IGSF6: variants seen among roughly 807,000 people sequenced by gnomAD.
The protein encoded by IGSF6 is immunoglobulin superfamily member 6, also known as down-regulated by activation (immunoglobulin superfamily).
In IGSF6, 23 loss-of-function variants were observed where a neutral mutation model predicts 24.7. The ratio of observed to expected loss-of-function variants is 0.93; its 90% CI spans 0.67 to 1.32. The LOEUF (loss-of-function observed/expected upper bound fraction) is 1.32. IGSF6 is among the 40% of genes most tolerant of loss of function. The pLI is 0.00. For missense variants in IGSF6, 295 were observed against 293.6 expected (o/e 1.00, Z -0.04); for synonymous variants, 110 against 113.7 (o/e 0.97, Z 0.21).
chr16:21,645,301 A>G (rs1383399332), intron 2 of IGSF6, among the ~76,000 whole-genome samples: 1 of 152,076 alleles, frequency 6.6e-6, no homozygotes, highest in Admixed American at 6.6e-5. Context: ...AAAAATACCA[A>G]AATTAGCTGG....
chr16:21,647,541 T>A, intron 1 of IGSF6, 49 bp from the exon 2 acceptor site: 1 of 1,554,726 alleles, frequency 6.4e-7, no homozygotes, highest in South Asian at 1.2e-5. Flanking sequence ...CACCTCACTT[T>A]GTGCTTTTAT....
rs555661181 is a variant in IGSF6 at position 21,641,567 on chromosome 16, G to C, written c.693C>G (p.Asn231Lys). 3 of 1,588,384 alleles carry C rather than the reference G, an allele frequency of 1.9e-6. No homozygotes were observed. The highest frequency in any genetic ancestry group is 1.7e-5 in the Admixed American group (1 of 59,014). Reference sequence around the variant, plus strand: ...TTTCATAGTTGGAAAGTACTCTTCTGTTTTCATAAGTGTTGTTATCTTTCT... The same window carrying C: ...TTTCATAGTTGGAAAGTACTCTTCTCTTTTCATAAGTGTTGTTATCTTTCT... The part of the protein sequence containing the change: ...QSEKDNNTYE[N>K]RRVLSNYERP The change falls in exon 6 of 6, where the codon AAC becomes AAG. Residue 231 changes from asparagine to lysine, a missense_variant. Physicochemically the swap from Asn to Lys is moderately conservative, Grantham distance 94. Coordinates refer to ENST00000268389, the MANE Select transcript of IGSF6 (RefSeq NM_005849.4).
intron 1 of IGSF6, among the ~76,000 whole-genome samples, chr16:21,651,517 G>A (rs1966576017): frequency 6.6e-6 from 1 of 151,852 alleles, no homozygotes; most frequent in African/African-American, 2.4e-5. Context: ...GTTCATGCTG[G>A]TCTTGAACTC....
intron 5 of IGSF6, chr16:21,642,367 T>C (rs1036652009): frequency 1.3e-5 from 2 of 152,194 alleles, no homozygotes; most frequent in Non-Finnish European, 2.9e-5. Context: ...TACACAAAGA[T>C]GACATGCAAA....
chr16:21,649,166 T>C (rs1304755383), intron 1 of IGSF6, among the ~76,000 whole-genome samples: 1 of 152,132 alleles, frequency 6.6e-6, no homozygotes, highest in African/African-American at 2.4e-5. Flanking sequence ...CTAATTTTTG[T>C]ATTTTTTGTA....
rs1236908240 is a variant in IGSF6, at chr16:21,641,564, T to C, written c.696A>G (p.Arg232=). 6.3e-7 allele frequency: 1 copy of C among 1,592,578 alleles called. No homozygotes were observed. Among genetic ancestry groups the C allele is most frequent in the Admixed American group, 1.7e-5 (1 of 59,194 alleles). ...SEKDNNTYEN[R]RVLSNYERP ...GCCTTTCATAGTTGGAAAGTACTCT[T>C]CTGTTTTCATAAGTGTTGTTATCTT... The change falls in exon 6 of 6, where the codon AGA becomes AGG. Residue 232 remains arginine (R), a synonymous_variant. Transcript: ENST00000268389.
Position 21,644,894 on chromosome 16 carries a change from A to G in IGSF6, c.428-498T>C, listed in dbSNP as rs147468796. Among the ~76,000 whole-genome samples, 382 of 152,328 alleles carry G rather than the reference A, an allele frequency of 2.5e-3. 4 individuals carry two copies. Among genetic ancestry groups the G allele is most frequent in the African/African-American group, 9.0e-3 (373 of 41,580 alleles). On this transcript the variant is annotated intron_variant, in intron 2 of 5. Coordinates refer to ENST00000268389, the MANE Select transcript of IGSF6 (RefSeq NM_005849.4). Reference sequence around the variant, plus strand: ...GTGAAAGAACCTGGGAAGGCCATACATTGAGGAGCGCAGTGCTCACTGCGT... The same window carrying G: ...GTGAAAGAACCTGGGAAGGCCATACGTTGAGGAGCGCAGTGCTCACTGCGT...
At chr16:21,645,320 G>A (rs528247158) in intron 2 of IGSF6, among the ~76,000 whole-genome samples, 6 of 152,132 alleles carry the variant, frequency 3.9e-5, no homozygotes, top group Non-Finnish European at 5.9e-5. Flanking sequence ...GGGCGTGGTC[G>A]CACATGCCTG....
At chr16:21,646,207 C>T (rs1966424687) in intron 2 of IGSF6, among the ~76,000 whole-genome samples, 1 of 151,600 alleles carries the variant, frequency 6.6e-6, no homozygotes, top group Admixed American at 6.6e-5. Flanking sequence ...AAGGGAATGA[C>T]TTGGTGAAAT....
At chr16:21,646,859 T>G (rs1016413209) in intron 2 of IGSF6, 2 of 424,526 alleles carry the variant, frequency 4.7e-6, no homozygotes, top group Admixed American at 7.0e-5. Context: ...TTTCACCATG[T>G]TGGCCAGGCT....
chr16:21,642,488 A>G (rs960803094), intron 5 of IGSF6: 1 of 152,218 alleles, frequency 6.6e-6, no homozygotes, highest in African/African-American at 2.4e-5. Flanking sequence ...GAAACAAAGT[A>G]TCTGTTCTAT....
At chr16:21,648,060 G>A (rs1165931418) in intron 1 of IGSF6, among the ~76,000 whole-genome samples, 1 of 152,156 alleles carries the variant, frequency 6.6e-6, no homozygotes, top group East Asian at 1.9e-4. Context: ...TGGGAAACAT[G>A]ATAAAAGGCA....
chr16:21,647,009 C>G (rs937830112), intron 2 of IGSF6, 124 bp downstream of exon 2: 1 of 1,259,408 alleles, frequency 7.9e-7, no homozygotes, highest in African/African-American at 1.5e-5. Context: ...AGATCACACC[C>G]ATCACTGGCT....
chr16:21,645,824 T>A (rs1471260558), intron 2 of IGSF6, among the ~76,000 whole-genome samples: 1 of 152,232 alleles, frequency 6.6e-6, no homozygotes, highest in East Asian at 1.9e-4. Context: ...ATTTGCTATA[T>A]GCCAGGCACT....
chr16:21,647,571 A>C (rs895978841), intron 1 of IGSF6, 79 bp from the exon 2 acceptor site: 25 of 1,499,100 alleles, frequency 1.7e-5, no homozygotes, highest in Non-Finnish European at 1.8e-6. Context: ...GAGGTAGGAA[A>C]CCCAGCCATT....
At chr16:21,641,829 T>G (rs917783022) in intron 5 of IGSF6, among the ~76,000 whole-genome samples, 2 of 152,146 alleles carry the variant, frequency 1.3e-5, no homozygotes, top group Admixed American at 1.3e-4. Context: ...GCTGGGAGCT[T>G]TACAATTCTC....
intron 3 of IGSF6, among the ~76,000 whole-genome samples, 200 bp from the exon 4 acceptor site, chr16:21,643,798 A>G (rs1468633527): frequency 1.3e-5 from 2 of 152,148 alleles, no homozygotes; most frequent in African/African-American, 2.4e-5. Flanking sequence ...TAGGATTTAT[A>G]GTAATCCTAA....
At chr16:21,647,576 G>A in intron 1 of IGSF6, 84 bp from the exon 2 acceptor site, 1 of 1,484,370 alleles carries the variant, frequency 6.7e-7, no homozygotes, top group African/African-American at 1.4e-5. Flanking sequence ...AGGAAACCCA[G>A]CCATTCTGTT....
chr16:21,643,226 C>T, intron 4 of IGSF6, 72 bp from the exon 5 acceptor site: 1 of 1,177,492 alleles, frequency 8.5e-7, no homozygotes, highest in South Asian at 1.2e-5. Context: ...ATCATCAGAA[C>T]TTTTCTTGCT....
Sources: gnomAD v4.1 joint callset for allele counts (sites outside exome capture counted in the v4.1 genomes callset) on GRCh38, gnomAD v4.1.1 for gene constraint, MANE v1.5 for transcripts, NCBI Gene and HGNC (gene_info 2026-07-23, HGNC 2026-07-21) for gene names.